The following TJP1 variants were observed in gnomAD, a reference collection of about 807,000 sequenced individuals.
TJP1 encodes the protein tight junction protein ZO-1.
Under a neutral mutation model 194.2 loss-of-function variants are expected in TJP1, and 43 were observed. The observed-to-expected ratio is 0.22, with a 90% CI of 0.17 to 0.29. The LOEUF (loss-of-function observed/expected upper bound fraction) is 0.29, where lower values mean the gene tolerates loss of function less well. Among genes scored for constraint, TJP1 ranks in the 10% least tolerant of loss-of-function variants. The pLI is 1.00. For missense variants in TJP1, 1,971 were observed against 2,185.7 expected (o/e 0.90, Z 1.96); for synonymous variants, 801 against 779.0 (o/e 1.03, Z -0.47).
chr15:29,796,964 GAA>G (rs35168660), intron 2 of TJP1, among the ~76,000 whole-genome samples: 58 of 150,170 alleles, frequency 3.9e-4, no homozygotes, highest in Admixed American at 4.6e-4. Flanking sequence ...ACATCTGTAT[GAA>G]AAAAAAAAAA....
intron 15 of TJP1, chr15:29,730,632 G>A (rs1395037580): frequency 1.6e-5 from 10 of 638,348 alleles, no homozygotes; most frequent in Non-Finnish European, 2.6e-5. Flanking sequence ...AAGAAGAGGC[G>A]AGAACGACCC....
intron 1 of TJP1, among the ~76,000 whole-genome samples, chr15:29,966,499 T>A (rs1442263478): frequency 2.0e-5 from 3 of 151,702 alleles, no homozygotes; most frequent in African/African-American, 7.3e-5. Context: ...CAAAACTGTT[T>A]CAAAATAAAT....
rs138589868 is a variant in TJP1 at position 29,719,072 on chromosome 15, C to T, written c.3070G>A (p.Val1024Ile). 637 of 1,614,128 alleles carry T rather than the reference C, an allele frequency of 3.9e-4. 3 individuals carry two copies. The African/African-American group carries it at 7.2e-3, about 18-fold the overall frequency. ...RQNHVLKQPA[V>I]SHPGHRPDKE... ...TCTGGCCTGTGCCCTGGGTGACTAA[C>T]GGCTGGCTGTTTCAAAACATGGTTC... Residue 1024 changes from valine to isoleucine, a missense_variant, in exon 21 of 28, where the codon GTT (valine) becomes ATT (isoleucine). By Grantham distance (29) the Val-to-Ile change is conservative. This residue lies in a region of TJP1 where 1,108 missense variants were observed against 1,128.5 expected (regional missense o/e 0.98). Coordinates refer to ENST00000614355, the MANE Select transcript of TJP1 (RefSeq NM_001330239.4).
At chr15:29,754,787 T>C (rs1055907357) in intron 8 of TJP1, among the ~76,000 whole-genome samples, 1 of 152,210 alleles carries the variant, frequency 6.6e-6, no homozygotes. Context: ...TTGAGCGTCA[T>C]GTTGGCACTC....
intron 2 of TJP1, among the ~76,000 whole-genome samples, chr15:29,931,650 C>T (rs776432191): frequency 2.6e-5 from 4 of 152,072 alleles, no homozygotes; most frequent in Non-Finnish European, 2.9e-5. Context: ...TTTCAAGAAC[C>T]GCCTAAGGTG....
At chr15:29,957,189 A>G (rs1237062000) in intron 1 of TJP1, among the ~76,000 whole-genome samples, 1 of 152,246 alleles carries the variant, frequency 6.6e-6, no homozygotes, top group Non-Finnish European at 1.5e-5. Context: ...AACAAGAAGT[A>G]GCAAATAGTA....
intron 2 of TJP1, among the ~76,000 whole-genome samples, chr15:29,880,690 T>C (rs1342864956): frequency 3.9e-5 from 6 of 152,244 alleles, no homozygotes; most frequent in South Asian, 4.1e-4. Context: ...AATGGAGTTA[T>C]GCAATATTTG....
At chr15:29,702,951 C>A (rs1481299906) in intron 27 of TJP1, among the ~76,000 whole-genome samples, 2 of 152,100 alleles carry the variant, frequency 1.3e-5, no homozygotes. Flanking sequence ...AAATAAAATT[C>A]TAATTATTAA....
In TJP1 at chr15:29,883,928, C is replaced by G. The variant is rs553908051; in HGVS notation, c.306+72304G>C. ...GTGGTGAAATTATCACAATTTATAT[C>G]CACTCGTACAATGCTATTAATAAAC... is the stretch of plus-strand genomic sequence containing the variant. On this transcript the variant is annotated intron_variant, in intron 2 of 28. Transcript: ENST00000356107. 2.0e-3 allele frequency among the ~76,000 whole-genome samples: 307 copies of G among 152,278 alleles called. 1 individual carries two copies. The highest frequency in any genetic ancestry group is 7.1e-3 in the African/African-American group (293 of 41,550).
chr15:29,947,639 T>C (rs1337694743), intron 2 of TJP1, among the ~76,000 whole-genome samples: 1 of 152,130 alleles, frequency 6.6e-6, no homozygotes, highest in Non-Finnish European at 1.5e-5. Context: ...AAAATGGCAA[T>C]GTGATGCAAT....
intron 2 of TJP1, among the ~76,000 whole-genome samples, chr15:29,800,065 C>T (rs1356381436): frequency 1.3e-5 from 2 of 152,200 alleles, no homozygotes; most frequent in East Asian, 3.8e-4. Flanking sequence ...TCGAAGGTGA[C>T]TGAATCACTT....
At chr15:29,805,006 T>C (rs1346649867) in intron 1 of TJP1, among the ~76,000 whole-genome samples, 3 of 152,194 alleles carry the variant, frequency 2.0e-5, no homozygotes, top group Non-Finnish European at 4.4e-5. Context: ...TGAAAAGACT[T>C]TTCTAGCTCC....
At position 29,892,900 on chromosome 15, in the gene TJP1, A is replaced by G. The variant is rs1244802795; in HGVS notation, c.306+63332T>C. 2.0e-5 allele frequency among the ~76,000 whole-genome samples: 3 copies of G among 152,234 alleles called. No homozygotes were observed. In the East Asian group the frequency reaches 5.8e-4, roughly 29 times the overall value. On this transcript the variant is annotated intron_variant, in intron 2 of 28. Transcript: ENST00000356107. ...GTGCAGCCCAGCCCATAGATTAAGG[A>G]GTAATTTCAATTTTTGAGTCTTAAT... is the stretch of plus-strand genomic sequence containing the variant.
At chr15:29,765,731 A>C (rs2046291199) in intron 5 of TJP1, among the ~76,000 whole-genome samples, 1 of 152,150 alleles carries the variant, frequency 6.6e-6, no homozygotes, top group African/African-American at 2.4e-5. Context: ...GTCTCTACCC[A>C]AAATAAAAAA....
intron 2 of TJP1, among the ~76,000 whole-genome samples, chr15:29,897,088 T>C (rs973937227): frequency 6.6e-6 from 1 of 152,174 alleles, no homozygotes; most frequent in Admixed American, 6.5e-5. Flanking sequence ...CTCCAGGGCA[T>C]GTCAGAGGTC....
At chr15:29,750,890 C>T (rs2045231212) in intron 8 of TJP1, among the ~76,000 whole-genome samples, 1 of 152,206 alleles carries the variant, frequency 6.6e-6, no homozygotes, top group Non-Finnish European at 1.5e-5. Flanking sequence ...ATTGGATTAT[C>T]TCAACCACAA....
At chr15:29,760,885 T>G (rs1346253210) in intron 8 of TJP1, among the ~76,000 whole-genome samples, 5 of 152,220 alleles carry the variant, frequency 3.3e-5, no homozygotes, top group Admixed American at 3.3e-4. Flanking sequence ...TTACACATTG[T>G]CTATGGTTGC....
chr15:29,906,490 A>AATAAATAAATAC (rs2053818406), intron 2 of TJP1, among the ~76,000 whole-genome samples: 1 of 150,338 alleles, frequency 6.7e-6, no homozygotes, highest in Non-Finnish European at 1.5e-5. Flanking sequence ...TAAATAAATA[A>AATAAATAAATAC]ATAAATAAAT....
Position 29,949,253 on chromosome 15 carries a change from ACCT to A in TJP1, c.306+6976_306+6978del, listed in dbSNP as rs1481323049. On this transcript the variant is annotated intron_variant, in intron 2 of 28. Coordinates refer to the TJP1 transcript ENST00000356107. The stretch of plus-strand genomic sequence containing the variant: ...CACCACTACCTCCACCTTCACCACC[ACCT>A]CCACCACCACCACCTCCATCACCTC... Among the ~76,000 whole-genome samples, 131 of 99,386 alleles carry A rather than the reference ACCT, an allele frequency of 1.3e-3. 4 individuals are homozygous for A. Among genetic ancestry groups the A allele is most frequent in the Non-Finnish European group, 1.4e-3 (74 of 53,422 alleles). 65.2% of individuals were successfully genotyped at this position (99,386 alleles called of 152,430 possible).
Sources: gnomAD v4.1 joint callset for allele counts (sites outside exome capture counted in the v4.1 genomes callset) on GRCh38, gnomAD v4.1.1 for gene constraint, gnomAD v4.1.1 regional missense constraint, MANE v1.5 for transcripts, NCBI Gene and HGNC (gene_info 2026-07-23, HGNC 2026-07-21) for gene names.